Variants in CNTNAP2 observed in about 807,000 individuals in gnomAD.
CNTNAP2 encodes the protein contactin-associated protein-like 2.
A neutral mutation model predicts 155.2 loss-of-function variants in CNTNAP2; 98 were observed. The ratio of observed to expected loss-of-function variants is 0.63; its 90% confidence interval spans 0.54 to 0.75. The LOEUF is 0.75. CNTNAP2 is among the 30% of genes least tolerant of loss of function. The pLI is 0.00. For missense variants in CNTNAP2, 1,727 were observed against 1,688.1 expected (o/e 1.02, Z -0.40); for synonymous variants, 651 against 631.2 (o/e 1.03, Z -0.47).
chr7:147,677,610 C>T (rs973882708), intron 13 of CNTNAP2, among the ~76,000 whole-genome samples: 2 of 151,258 alleles, frequency 1.3e-5, no homozygotes, highest in African/African-American at 4.8e-5. Context: ...TGTCATGTAG[C>T]TTTTTTTTCT....
chr7:146,855,985 A>G (rs941437121), intron 3 of CNTNAP2, among the ~76,000 whole-genome samples: 125 of 151,738 alleles, frequency 8.2e-4, no homozygotes, highest in Non-Finnish European at 3.7e-4. Flanking sequence ...AAGAAATCAG[A>G]TCTAGTTAGA....
intron 13 of CNTNAP2, among the ~76,000 whole-genome samples, chr7:147,895,920 G>A (rs76532993): frequency 0.011 from 1,676 of 152,294 alleles, 87 homozygotes; most frequent in Admixed American, 0.091. Flanking sequence ...TCTGGAATAC[G>A]TTTTTCTTAT....
At chr7:146,726,808 C>A (rs1017931476) in intron 1 of CNTNAP2, among the ~76,000 whole-genome samples, 6 of 151,984 alleles carry the variant, frequency 3.9e-5, no homozygotes, top group African/African-American at 1.5e-4. Context: ...AATAATAATG[C>A]CATTGTCATG....
intron 22 of CNTNAP2, among the ~76,000 whole-genome samples, chr7:148,395,374 C>T (rs1799446442): frequency 6.6e-6 from 1 of 152,058 alleles, no homozygotes; most frequent in Non-Finnish European, 1.5e-5. Flanking sequence ...CAGCCATGCT[C>T]TCTTCTGACC....
intron 1 of CNTNAP2, among the ~76,000 whole-genome samples, chr7:146,640,399 C>T (rs935467300): frequency 6.6e-6 from 1 of 152,128 alleles, no homozygotes; most frequent in Non-Finnish European, 1.5e-5. Context: ...CACTGGAGAT[C>T]AATTGTCTGA....
chr7:147,134,397 C>G (rs1013692843), intron 8 of CNTNAP2, among the ~76,000 whole-genome samples: 3 of 151,666 alleles, frequency 2.0e-5, no homozygotes, highest in African/African-American at 7.3e-5. Flanking sequence ...GTCAATTTAG[C>G]CAAGAATCTG....
At chr7:146,889,703 A>T (rs1161254800) in intron 3 of CNTNAP2, among the ~76,000 whole-genome samples, 2 of 152,106 alleles carry the variant, frequency 1.3e-5, no homozygotes, top group Non-Finnish European at 2.9e-5. Flanking sequence ...CTTGTTCTTC[A>T]TCACTTATTC....
At chr7:147,282,368 A>G (rs1412977777) in intron 8 of CNTNAP2, among the ~76,000 whole-genome samples, 1 of 151,952 alleles carries the variant, frequency 6.6e-6, no homozygotes, top group Admixed American at 6.6e-5. Flanking sequence ...TCTCCAGGAA[A>G]GTCACTGTCA....
chr7:148,071,776 G>C (rs145495344), intron 15 of CNTNAP2, among the ~76,000 whole-genome samples: 45 of 152,294 alleles, frequency 3.0e-4, no homozygotes, highest in African/African-American at 1.1e-3. Flanking sequence ...TCTACTGTCA[G>C]TAAGTTTTAT....
chr7:148,092,472 T>C (rs544214878), intron 15 of CNTNAP2, among the ~76,000 whole-genome samples: 5 of 152,250 alleles, frequency 3.3e-5, no homozygotes, highest in East Asian at 1.9e-4. Flanking sequence ...AGGTGCCCCA[T>C]TGGGACCATG....
At chr7:148,094,055 G>A (rs1374350519) in intron 15 of CNTNAP2, among the ~76,000 whole-genome samples, 1 of 152,200 alleles carries the variant, frequency 6.6e-6, no homozygotes, top group Non-Finnish European at 1.5e-5. Context: ...ACCACACCCA[G>A]TGGCTAATAT....
chr7:147,628,522 A>G (rs1795028071), intron 12 of CNTNAP2, among the ~76,000 whole-genome samples: 1 of 152,228 alleles, frequency 6.6e-6, no homozygotes, highest in African/African-American at 2.4e-5. Context: ...ACCTCCTTAA[A>G]GCATAAATGT....
At chr7:146,637,919 T>C (rs1384288601) in intron 1 of CNTNAP2, among the ~76,000 whole-genome samples, 2 of 152,234 alleles carry the variant, frequency 1.3e-5, no homozygotes, top group South Asian at 2.1e-4. Context: ...TTATTTGATT[T>C]GTACAAATTT....
chr7:147,709,154 T>C (rs1796364351), intron 13 of CNTNAP2, among the ~76,000 whole-genome samples: 1 of 152,166 alleles, frequency 6.6e-6, no homozygotes, highest in Non-Finnish European at 1.5e-5. Context: ...CTTCTCTCAG[T>C]GATCTCCAGG....
intron 21 of CNTNAP2, among the ~76,000 whole-genome samples, chr7:148,360,344 G>T (rs1045238957): frequency 6.6e-6 from 1 of 152,180 alleles, no homozygotes. Context: ...AAGAGAACAG[G>T]CATGAAGAAA....
intron 15 of CNTNAP2, among the ~76,000 whole-genome samples, chr7:148,030,006 A>T (rs1263294689): frequency 6.6e-6 from 1 of 152,214 alleles, no homozygotes; most frequent in Admixed American, 6.5e-5. Context: ...CTGGTTGGAA[A>T]TCTTCAGAGG....
At chr7:147,104,221 TAA>T (rs770190612) in intron 4 of CNTNAP2, among the ~76,000 whole-genome samples, 64 of 152,158 alleles carry the variant, frequency 4.2e-4, no homozygotes, top group Middle Eastern at 3.4e-3. Flanking sequence ...TTTTCCAAAA[TAA>T]AAAGTTTGTG....
chr7:146,750,738 G>T (rs1444718979), intron 1 of CNTNAP2, among the ~76,000 whole-genome samples: 1 of 152,076 alleles, frequency 6.6e-6, no homozygotes, highest in Non-Finnish European at 1.5e-5. Context: ...GGCCAGAAAT[G>T]TATATAGTGA....
intron 12 of CNTNAP2, among the ~76,000 whole-genome samples, chr7:147,635,421 G>T (rs915740453): frequency 2.0e-5 from 3 of 151,858 alleles, no homozygotes; most frequent in African/African-American, 7.3e-5. Flanking sequence ...ACCACACCCT[G>T]CCCAAGCTCC....
Sources: gnomAD v4.1 joint callset for allele counts (sites outside exome capture counted in the v4.1 genomes callset) on GRCh38, gnomAD v4.1.1 for gene constraint, MANE v1.5 for transcripts, NCBI Gene and HGNC (gene_info 2026-07-23, HGNC 2026-07-21) for gene names.